Variants in AGBL3 observed in about 807,000 individuals in gnomAD.
AGBL3 encodes cytosolic carboxypeptidase 3.
A neutral mutation model predicts 94.5 loss-of-function variants in AGBL3; 68 were observed. The observed-to-expected ratio is 0.72, with a 90% confidence interval of 0.59 to 0.88. AGBL3 has a LOEUF of 0.88. AGBL3 is among the 40% of genes least tolerant of loss of function. The pLI, the probability that AGBL3 is intolerant of heterozygous loss-of-function variation, is 0.00. For missense variants in AGBL3, 934 were observed against 1,103.8 expected, an observed-to-expected ratio of 0.85 and a Z score of 2.18; for synonymous variants, 354 against 370.7, an observed-to-expected ratio of 0.95 and a Z score of 0.52.
chr7:135,074,022 A>AATATTGT (rs1820223423), intron 12 of AGBL3, among the ~76,000 whole-genome samples: 1 of 135,688 alleles, frequency 7.4e-6, no homozygotes, highest in Non-Finnish European at 1.6e-5. Context: ...TATAGTTAAT[A>AATATTGT]ATATTGTATT....
chr7:135,033,107 A>C, intron 6 of AGBL3, 125 bp downstream of exon 6: 2 of 1,005,612 alleles, frequency 2.0e-6, no homozygotes, highest in Non-Finnish European at 1.4e-6. Flanking sequence ...TACTATTAAT[A>C]ATTAGAAATT....
At chr7:134,990,049 C>T (rs192521672) in intron 3 of AGBL3, among the ~76,000 whole-genome samples, 1 of 152,286 alleles carries the variant, frequency 6.6e-6, no homozygotes, top group Non-Finnish European at 1.5e-5. Flanking sequence ...CAGGAGATAA[C>T]TCACTCCTTT....
intron 3 of AGBL3, among the ~76,000 whole-genome samples, chr7:134,992,531 T>C (rs1367888708): frequency 1.3e-5 from 2 of 152,242 alleles, no homozygotes; most frequent in Non-Finnish European, 2.9e-5. Flanking sequence ...TTTTTCACCC[T>C]GTATGGCAAT....
intron 16 of AGBL3, among the ~76,000 whole-genome samples, chr7:135,121,721 A>T (rs1827160315): frequency 6.6e-6 from 1 of 152,186 alleles, no homozygotes; most frequent in Admixed American, 6.5e-5. Context: ...AGGTTCTCTC[A>T]TCAGAACTGA....
At chr7:135,045,954 T>A in intron 11 of AGBL3, 43 bp downstream of exon 11, 1 of 1,253,024 alleles carries the variant, frequency 8.0e-7, no homozygotes, top group Non-Finnish European at 1.1e-6. Context: ...TTGTGCTGTT[T>A]TACTATGTTC....
intron 15 of AGBL3, chr7:135,101,018 C>T: frequency 1.9e-5 from 7 of 361,480 alleles, no homozygotes; most frequent in South Asian, 1.5e-4. Flanking sequence ...ATGGCTATTA[C>T]ATTACTCTTA....
intron 11 of AGBL3, among the ~76,000 whole-genome samples, chr7:135,056,301 C>G (rs1818345066): frequency 6.6e-6 from 1 of 151,872 alleles, no homozygotes; most frequent in South Asian, 2.1e-4. Flanking sequence ...CTCTATTTCT[C>G]CTTTTTCTGA....
intron 11 of AGBL3, among the ~76,000 whole-genome samples, chr7:135,047,907 T>C (rs999260639): frequency 5.9e-5 from 9 of 151,984 alleles, no homozygotes; most frequent in African/African-American, 2.2e-4. Flanking sequence ...GTTTGTTGCC[T>C]ATGCTTTTGG....
intron 16 of AGBL3, among the ~76,000 whole-genome samples, chr7:135,125,435 C>T (rs1362633051): frequency 2.6e-5 from 4 of 152,022 alleles, no homozygotes; most frequent in African/African-American, 7.2e-5. Context: ...CAGAACCAGA[C>T]GGATTCACGG....
intron 15 of AGBL3, chr7:135,094,079 C>G: frequency 3.6e-6 from 1 of 278,702 alleles, no homozygotes. Flanking sequence ...GTTCCTTATA[C>G]CATACACTAA....
At chr7:135,048,753 GT>G (rs55948149) in intron 11 of AGBL3, among the ~76,000 whole-genome samples, 72,511 of 144,876 alleles carry the variant, frequency 0.5, 17,911 homozygotes, top group South Asian at 0.66. Flanking sequence ...TCTCACAGTT[GT>G]TTTTTTTTTT....
At chr7:135,038,954 G>A (rs1584914682) in intron 8 of AGBL3, among the ~76,000 whole-genome samples, 1 of 123,460 alleles carries the variant, frequency 8.1e-6, no homozygotes, top group African/African-American at 2.8e-5. Context: ...GCGAGACTTT[G>A]TCTCAAAAAA....
intron 15 of AGBL3, chr7:135,101,300 T>G: frequency 2.2e-6 from 1 of 455,016 alleles, no homozygotes; most frequent in Non-Finnish European, 4.4e-6. Flanking sequence ...TTTTATTGTT[T>G]AAGATTTTCA....
At chr7:135,026,849 T>C (rs73153721) in intron 5 of AGBL3, among the ~76,000 whole-genome samples, 36,378 of 151,428 alleles carry the variant, frequency 0.24, 5,644 homozygotes, top group South Asian at 0.46. Context: ...TGTATTTGCA[T>C]ATATGTTTGG....
At chr7:135,125,317 C>A (rs941609856) in intron 16 of AGBL3, among the ~76,000 whole-genome samples, 1 of 152,082 alleles carries the variant, frequency 6.6e-6, no homozygotes, top group African/African-American at 2.4e-5. Context: ...AATTCCTGGA[C>A]ACACACACCC....
Position 135,034,644 on chromosome 7 carries a change from A to T in AGBL3, c.1053A>T (p.Ser351=). The T allele has an allele frequency of 2.6e-6, 4 of 1,551,670 alleles. No homozygotes were observed. Among genetic ancestry groups the T allele is most frequent in the Non-Finnish European group, 3.5e-6 (4 of 1,146,960 alleles). The change falls in exon 7 of 17, where the codon TCA becomes TCT. Residue 351 remains serine (S), a synonymous_variant. Transcript: ENST00000436302. ...TITTPLKNSD[S]RKRKAVILTA... ...CTACCCCCTTGAAGAACTCTGACTC[A>T]AGAAAGCGGAAGGCTGTGATTCTGA... is the stretch of plus-strand genomic sequence containing the variant.
At chr7:134,992,780 T>C (rs1810457959) in intron 3 of AGBL3, among the ~76,000 whole-genome samples, 2 of 152,170 alleles carry the variant, frequency 1.3e-5, no homozygotes, top group South Asian at 4.1e-4. Flanking sequence ...TCAGCTGTTG[T>C]ACAAAAATAA....
intron 12 of AGBL3, 95 bp downstream of exon 12, chr7:135,059,330 A>C: frequency 1.5e-6 from 1 of 659,332 alleles, no homozygotes. Flanking sequence ...GCAGATATGT[A>C]ATTATTGTAT....
intron 15 of AGBL3, among the ~76,000 whole-genome samples, chr7:135,109,684 C>A (rs1825327260): frequency 6.6e-6 from 1 of 152,084 alleles, no homozygotes; most frequent in Admixed American, 6.5e-5. Context: ...TATCTGTAGA[C>A]CTTGGTCAGG....
Sources: allele counts gnomAD v4.1 joint callset (sites outside exome capture counted in the v4.1 genomes callset), GRCh38; gene constraint gnomAD v4.1.1; transcripts MANE v1.5; gene names NCBI Gene and HGNC (gene_info 2026-07-23, HGNC 2026-07-21).